Variants in RAPGEF2 observed in about 807,000 individuals in gnomAD.
The protein encoded by RAPGEF2 is PDZ domain containing guanine nucleotide exchange factor (GEF) 1.
Under a neutral mutation model 186.7 loss-of-function variants are expected in RAPGEF2, and 54 were observed. The ratio of observed to expected loss-of-function variants is 0.29; its 90% CI spans 0.23 to 0.36. The LOEUF is 0.36. RAPGEF2 is among the 10% of genes least tolerant of loss of function. The pLI is 1.00. For missense variants in RAPGEF2, 1,532 were observed against 2,045.0 expected, an observed-to-expected ratio of 0.75 and a Z score of 4.84; for synonymous variants, 712 against 705.9, an observed-to-expected ratio of 1.01 and a Z score of -0.14.
intron 4 of RAPGEF2, among the ~76,000 whole-genome samples, chr4:159,223,903 C>CTT (rs759609353): frequency 2.1e-5 from 3 of 146,044 alleles, no homozygotes; most frequent in Non-Finnish European, 1.5e-5. Flanking sequence ...TTTAAGTGAA[C>CTT]TTTTTTTTTT....
At chr4:159,296,314 G>A (rs1762023326) in intron 7 of RAPGEF2, among the ~76,000 whole-genome samples, 1 of 152,148 alleles carries the variant, frequency 6.6e-6, no homozygotes, top group Non-Finnish European at 1.5e-5. Context: ...AGTCATTGAT[G>A]TTGGAGATGC....
chr4:159,229,670 C>T (rs1435840285), intron 4 of RAPGEF2: 2 of 152,098 alleles, frequency 1.3e-5, no homozygotes, highest in Non-Finnish European at 2.9e-5. Context: ...CCATTTGCAC[C>T]TGTAGAAATA....
intron 7 of RAPGEF2, among the ~76,000 whole-genome samples, chr4:159,252,387 T>G (rs1312676793): frequency 6.6e-6 from 1 of 152,186 alleles, no homozygotes; most frequent in Non-Finnish European, 1.5e-5. Context: ...AAAAAATGTT[T>G]CAATCATCAG....
chr4:159,160,131 C>T (rs1744552041), intron 1 of RAPGEF2, among the ~76,000 whole-genome samples: 3 of 152,158 alleles, frequency 2.0e-5, no homozygotes, highest in Admixed American at 2.0e-4. Context: ...AGGCTTTAGT[C>T]TGTTACGTAT....
intron 7 of RAPGEF2, among the ~76,000 whole-genome samples, chr4:159,297,235 C>G (rs1022116650): frequency 6.6e-5 from 10 of 152,186 alleles, no homozygotes; most frequent in African/African-American, 2.4e-4. Context: ...AAATGCATCC[C>G]TTCCCCCAAC....
intron 25 of RAPGEF2, among the ~76,000 whole-genome samples, chr4:159,348,293 TAA>T (rs1266891283): frequency 5.9e-5 from 9 of 151,606 alleles, no homozygotes; most frequent in African/African-American, 2.2e-4. Flanking sequence ...GATAGATAGA[TAA>T]AGATATAGAG....
chr4:159,281,440 A>G (rs1025569066), intron 7 of RAPGEF2, among the ~76,000 whole-genome samples: 6 of 150,552 alleles, frequency 4.0e-5, no homozygotes, highest in Non-Finnish European at 8.9e-5. Flanking sequence ...AGGCTGAGGC[A>G]GGTGGATCAC....
rs552165153 is a variant in RAPGEF2 at position 159,256,885 on chromosome 4, G to A, written c.543+13094G>A. ...TGTCCTTTGCCCACTTTTTAATGGA[G>A]TTGTCTGTTTTTTTCTTGTAAATTT... On this transcript the variant is annotated intron_variant, in intron 7 of 29. Transcript: ENST00000691494. Among the ~76,000 whole-genome samples the A allele has an allele frequency of 5.9e-5, 9 of 152,172 alleles. No individual in the cohort carries two copies. The South Asian group carries it at 1.5e-3, about 25-fold the overall frequency.
chr4:159,338,876 TTGTGTACTGA>T, intron 18 of RAPGEF2, among the ~76,000 whole-genome samples: 1 of 152,346 alleles, frequency 6.6e-6, no homozygotes, highest in Admixed American at 6.5e-5. Context: ...AGTGCTACTG[TTGTGTACTGA>T]TGTGCTTGCA....
chr4:159,196,402 T>G (rs1748656549), intron 3 of RAPGEF2, among the ~76,000 whole-genome samples: 1 of 152,216 alleles, frequency 6.6e-6, no homozygotes, highest in South Asian at 2.1e-4. Context: ...CACAGTGTAG[T>G]CAGAAATATC....
chr4:159,312,080 C>A (rs10032500), intron 8 of RAPGEF2, among the ~76,000 whole-genome samples: 94,009 of 151,890 alleles, frequency 0.62, 30,348 homozygotes, highest in African/African-American at 0.77. Context: ...TCTGCTTAAG[C>A]CTTAAATATA....
chr4:159,233,947 G>A (rs1473049276), intron 4 of RAPGEF2, among the ~76,000 whole-genome samples: 1 of 151,858 alleles, frequency 6.6e-6, no homozygotes, highest in Non-Finnish European at 1.5e-5. Flanking sequence ...TGGGAAGCGT[G>A]AGTCCTCATT....
intron 9 of RAPGEF2, among the ~76,000 whole-genome samples, chr4:159,315,184 G>C (rs1248686187): frequency 6.6e-6 from 1 of 152,126 alleles, no homozygotes; most frequent in Non-Finnish European, 1.5e-5. Context: ...TTCTACTCTG[G>C]TTTTGTGTGA....
Position 159,299,862 on chromosome 4 carries a change from C to T in RAPGEF2, c.544-4480C>T, listed in dbSNP as rs531624564. On this transcript the variant is annotated intron_variant, in intron 7 of 29. Transcript: ENST00000691494. ...ACTTTTACAAAGCTAATTATGGTAG[C>T]ATCTGTTTGTCCTACATAATAAAAA... Among the ~76,000 whole-genome samples, 457 of 151,650 alleles carry T rather than the reference C, an allele frequency of 3.0e-3. 3 individuals are homozygous for T. Among genetic ancestry groups the T allele is most frequent in the African/African-American group, 0.01 (414 of 41,394 alleles).
intron 1 of RAPGEF2, among the ~76,000 whole-genome samples, chr4:159,132,255 C>T (rs138227407): frequency 2.5e-3 from 385 of 152,336 alleles, no homozygotes; most frequent in African/African-American, 8.8e-3. Flanking sequence ...TCGTACTTCA[C>T]AGTCTCAACT....
intron 3 of RAPGEF2, among the ~76,000 whole-genome samples, chr4:159,199,905 A>AT (rs1206503305): frequency 2.6e-5 from 4 of 152,232 alleles, no homozygotes; most frequent in Non-Finnish European, 5.9e-5. Flanking sequence ...TAAAAGAGAC[A>AT]TTTGTAAATT....
intron 1 of RAPGEF2, among the ~76,000 whole-genome samples, chr4:159,160,566 A>C (rs1331067712): frequency 1.3e-5 from 2 of 152,254 alleles, no homozygotes; most frequent in Non-Finnish European, 2.9e-5. Flanking sequence ...CAATTTGAAG[A>C]AAGTCAACTT....
intron 7 of RAPGEF2, among the ~76,000 whole-genome samples, chr4:159,273,639 TTTCTTTCTTTC>T (rs1333011187): frequency 2.8e-5 from 2 of 71,264 alleles, no homozygotes; most frequent in Non-Finnish European, 3.0e-5. Flanking sequence ...TCTTTCTTTC[TTTCTTTCTTTC>T]TTTCTTTCTT....
At chr4:159,133,849 C>T (rs893933952) in intron 1 of RAPGEF2, among the ~76,000 whole-genome samples, 17 of 152,110 alleles carry the variant, frequency 1.1e-4, no homozygotes, top group African/African-American at 3.9e-4. Flanking sequence ...TCCCAAAGTC[C>T]TGGGATTACA....
Sources: gnomAD v4.1 joint callset for allele counts (sites outside exome capture counted in the v4.1 genomes callset) on GRCh38, gnomAD v4.1.1 for gene constraint, MANE v1.5 for transcripts, NCBI Gene and HGNC (gene_info 2026-07-23, HGNC 2026-07-21) for gene names.